The following FCHSD2 variants were observed in gnomAD, a reference collection of about 807,000 sequenced individuals.
The protein encoded by FCHSD2 is F-BAR and double SH3 domains protein 2.
A neutral mutation model predicts 108.1 loss-of-function variants in FCHSD2; 38 were observed. The observed-to-expected ratio is 0.35, with a 90% CI of 0.27 to 0.46. The LOEUF is 0.46. Ranked by LOEUF, FCHSD2 falls within the 20% of genes least tolerant of loss-of-function variation. FCHSD2 has a pLI of 1.00. For missense variants in FCHSD2, 751 were observed against 897.8 expected (o/e 0.84, Z 2.09); for synonymous variants, 279 against 314.7 (o/e 0.89, Z 1.20).
rs1055500134 is a variant in FCHSD2 at position 72,921,436 on chromosome 11, T to C, written c.828+392A>G. 2.6e-5 allele frequency among the ~76,000 whole-genome samples: 4 copies of C among 152,342 alleles called. No individual in the cohort carries two copies. The South Asian group carries it at 6.2e-4, about 24-fold the overall frequency. On this transcript the variant is annotated intron_variant, in intron 9 of 19. Transcript: ENST00000409418. ...CAAGACACTGTTGTTTTTATATCAA[T>C]TACAAAACGCTCCTTTTCCCTTCGT...
chr11:72,983,818 A>T (rs756023910), intron 8 of FCHSD2: 1 of 536,606 alleles, frequency 1.9e-6, no homozygotes, highest in South Asian at 1.5e-5. Context: ...TATCTTCTAC[A>T]TCAATAACCA....
chr11:72,962,147 T>C (rs750096543), intron 8 of FCHSD2, among the ~76,000 whole-genome samples: 4 of 152,180 alleles, frequency 2.6e-5, no homozygotes, highest in Non-Finnish European at 5.9e-5. Context: ...AAGGGACCAC[T>C]GGGGGGAATC....
intron 8 of FCHSD2, among the ~76,000 whole-genome samples, chr11:72,945,243 C>T (rs1353961909): frequency 6.6e-6 from 1 of 152,078 alleles, no homozygotes; most frequent in Non-Finnish European, 1.5e-5. Flanking sequence ...GAAATAATGC[C>T]GCATATCTAC....
At position 72,887,005 on chromosome 11, in the gene FCHSD2, T is replaced by A. The variant is rs576251762; in HGVS notation, c.1146+465A>T. Among the ~76,000 whole-genome samples, 13 of 152,048 alleles carry A rather than the reference T, an allele frequency of 8.5e-5. No individual in the cohort carries two copies. In the South Asian group the frequency reaches 2.5e-3, roughly 29 times the overall value. On this transcript the variant is annotated intron_variant, in intron 12 of 19. Transcript: ENST00000409418. ...CTCTGCTTAGCCAAATCTTCCCTATTCTTAAAAGCCCAGCTCATGCCCCTG... is the reference window on the plus strand; with the variant it reads ...CTCTGCTTAGCCAAATCTTCCCTATACTTAAAAGCCCAGCTCATGCCCCTG...
At chr11:73,091,014 A>G (rs1055127481) in intron 2 of FCHSD2, among the ~76,000 whole-genome samples, 2 of 152,230 alleles carry the variant, frequency 1.3e-5, no homozygotes, top group Non-Finnish European at 2.9e-5. Context: ...GAAAAAAATT[A>G]TATGTGACCT....
intron 8 of FCHSD2, among the ~76,000 whole-genome samples, chr11:72,961,483 T>A (rs995151718): frequency 6.6e-6 from 1 of 152,128 alleles, no homozygotes; most frequent in Non-Finnish European, 1.5e-5. Context: ...ATTGAACTCC[T>A]GGCCTCAAGT....
chr11:73,120,722 T>G (rs1224295429), intron 2 of FCHSD2, among the ~76,000 whole-genome samples: 1 of 150,892 alleles, frequency 6.6e-6, no homozygotes, highest in Non-Finnish European at 1.5e-5. Context: ...ACAGCAAAAT[T>G]GTGTCTAAAA....
chr11:72,940,723 C>G (rs1403166891), intron 8 of FCHSD2: 3 of 924,094 alleles, frequency 3.2e-6, no homozygotes, highest in Non-Finnish European at 5.3e-6. Flanking sequence ...ACGCCCAGTT[C>G]CTAAGGGTGC....
chr11:72,979,781 A>G (rs1366551398), intron 8 of FCHSD2, among the ~76,000 whole-genome samples: 1 of 152,222 alleles, frequency 6.6e-6, no homozygotes, highest in East Asian at 1.9e-4. Flanking sequence ...GACATATCAT[A>G]AAGAAAACTG....
chr11:72,989,558 A>G (rs2135405035), intron 5 of FCHSD2, among the ~76,000 whole-genome samples: 1 of 152,332 alleles, frequency 6.6e-6, no homozygotes, highest in South Asian at 2.1e-4. Flanking sequence ...AAATCTGAGT[A>G]GTCTGACTTG....
Position 72,838,445 on chromosome 11 carries a change from C to G in FCHSD2, c.*346G>C, listed in dbSNP as rs1391300963. Reference sequence around the variant, plus strand: ...CACAGTAATATACTGTACGAGTGCACATGATCAGTAATTTAGGGACTGTGC... The same window carrying G: ...CACAGTAATATACTGTACGAGTGCAGATGATCAGTAATTTAGGGACTGTGC... On this transcript the variant is annotated 3_prime_UTR_variant, in exon 20 of 20. Transcript: ENST00000409418. 2.5e-5 allele frequency: 8 copies of G among 325,852 alleles called. No individual in the cohort carries two copies. The South Asian group carries it at 2.9e-4, about 12-fold the overall frequency. 20.2% of individuals were successfully genotyped at this position (325,852 alleles called of 1,614,324 possible).
chr11:72,967,034 TA>T (rs1162863543), intron 8 of FCHSD2, among the ~76,000 whole-genome samples: 7 of 151,542 alleles, frequency 4.6e-5, no homozygotes, highest in Non-Finnish European at 7.4e-5. Flanking sequence ...CCATCTCTAC[TA>T]AAAAAATACA....
chr11:73,006,709 C>T (rs185847604), intron 4 of FCHSD2, among the ~76,000 whole-genome samples: 5 of 152,352 alleles, frequency 3.3e-5, no homozygotes, highest in Non-Finnish European at 2.9e-5. Context: ...CTGCTCTTAC[C>T]GCCAATTGGC....
chr11:73,010,768 A>G (rs757075998), intron 4 of FCHSD2, among the ~76,000 whole-genome samples: 1 of 152,222 alleles, frequency 6.6e-6, no homozygotes, highest in South Asian at 2.1e-4. Context: ...TTTGAGCCCC[A>G]GTAGAGGCAG....
intron 5 of FCHSD2, among the ~76,000 whole-genome samples, chr11:72,992,086 CA>C (rs757564115): frequency 6.6e-6 from 1 of 152,144 alleles, no homozygotes; most frequent in African/African-American, 2.4e-5. Flanking sequence ...AATCAATGTG[CA>C]AAAAATCACA....
chr11:73,061,782 T>C (rs1337136439), intron 3 of FCHSD2, among the ~76,000 whole-genome samples: 1 of 152,092 alleles, frequency 6.6e-6, no homozygotes, highest in African/African-American at 2.4e-5. Flanking sequence ...GGACAGGGTA[T>C]CTCTGAAAAA....
chr11:72,870,687 T>C (rs1301542033), intron 12 of FCHSD2, among the ~76,000 whole-genome samples: 1 of 151,818 alleles, frequency 6.6e-6, no homozygotes, highest in Admixed American at 6.6e-5. Context: ...GATCACGAGG[T>C]CAGGAGATCG....
At chr11:73,000,326 G>A (rs1565362031) in intron 5 of FCHSD2, among the ~76,000 whole-genome samples, 1 of 151,798 alleles carries the variant, frequency 6.6e-6, no homozygotes, top group African/African-American at 2.4e-5. Flanking sequence ...TACTTATTAG[G>A]TATAATGATA....
intron 2 of FCHSD2, among the ~76,000 whole-genome samples, chr11:73,094,318 T>C (rs1860027117): frequency 6.6e-6 from 1 of 152,210 alleles, no homozygotes; most frequent in East Asian, 1.9e-4. Flanking sequence ...TAACATGCCA[T>C]TGGTGGGAAT....
Sources: allele counts gnomAD v4.1 joint callset (sites outside exome capture counted in the v4.1 genomes callset), GRCh38; gene constraint gnomAD v4.1.1; transcripts MANE v1.5; gene names NCBI Gene and HGNC (gene_info 2026-07-23, HGNC 2026-07-21).